SLC4A7: variants seen among roughly 807,000 people sequenced by gnomAD.
SLC4A7 encodes the protein sodium bicarbonate cotransporter 3.
In SLC4A7, 51 loss-of-function variants were observed where a neutral mutation model predicts 137.6. That is an observed-to-expected ratio of 0.37 (90% CI 0.30 to 0.47). The LOEUF (loss-of-function observed/expected upper bound fraction) is 0.47, where lower values mean the gene tolerates loss of function less well. Among genes scored for constraint, SLC4A7 ranks in the 20% least tolerant of loss-of-function variants. The pLI, the probability that SLC4A7 is intolerant of heterozygous loss-of-function variation, is 1.00. For missense variants in SLC4A7, 1,247 were observed against 1,525.4 expected (o/e 0.82, Z 3.04); for synonymous variants, 542 against 518.6 (o/e 1.05, Z -0.61).
chr3:27,435,039 G>A (rs2056624248), intron 5 of SLC4A7, among the ~76,000 whole-genome samples: 2 of 152,132 alleles, frequency 1.3e-5, no homozygotes, highest in Non-Finnish European at 2.9e-5. Flanking sequence ...AGTTATTCAT[G>A]TGAGACAAGA....
At chr3:27,387,826 G>C (rs1648898797) in intron 22 of SLC4A7, among the ~76,000 whole-genome samples, 1 of 152,164 alleles carries the variant, frequency 6.6e-6, no homozygotes, top group Admixed American at 6.5e-5. Flanking sequence ...CAGAAGAGAG[G>C]AAGAGACAAG....
intron 3 of SLC4A7, among the ~76,000 whole-genome samples, chr3:27,443,319 C>T (rs2057363139): frequency 6.6e-6 from 1 of 152,110 alleles, no homozygotes; most frequent in Non-Finnish European, 1.5e-5. Context: ...CATGAGCCAC[C>T]AGGCTTGGCC....
At chr3:27,480,033 G>T (rs2059644492) in intron 1 of SLC4A7, among the ~76,000 whole-genome samples, 6 of 152,096 alleles carry the variant, frequency 3.9e-5, no homozygotes, top group Non-Finnish European at 8.8e-5. Context: ...AGAATATATT[G>T]GTTAGCACAC....
intron 2 of SLC4A7, among the ~76,000 whole-genome samples, chr3:27,449,159 C>A (rs1366908544): frequency 2.0e-5 from 3 of 151,856 alleles, no homozygotes; most frequent in Non-Finnish European, 4.4e-5. Context: ...CTCAGCCTCC[C>A]AAAGTGCTGG....
chr3:27,381,127 G>A (rs2050376620), intron 24 of SLC4A7, among the ~76,000 whole-genome samples: 1 of 152,118 alleles, frequency 6.6e-6, no homozygotes, highest in Admixed American at 6.6e-5. Context: ...GCCATTTCCT[G>A]GCATTCCTGA....
Position 27,394,518 on chromosome 3 carries a change from C to T in SLC4A7, c.3117G>A (p.Lys1039=). The T allele has an allele frequency of 6.2e-7, 1 of 1,612,268 alleles. No individual in the cohort carries two copies. The highest frequency in any genetic ancestry group is 8.5e-7 in the Non-Finnish European group (1 of 1,179,076). Residue 1039 remains lysine, a splice_region_variant and synonymous_variant, in exon 20 of 26, where the codon AAG becomes AAA. Coordinates refer to ENST00000454389, the MANE Select transcript of SLC4A7 (RefSeq NM_001321103.2). ...GLSVFMTSVL[K]FIPMPVLYGV... ...AAACACGGCAATAAAGAAATTTTAC[C>T]TTTAGGACTGAAGTCATGAACACAG...
intron 1 of SLC4A7, among the ~76,000 whole-genome samples, chr3:27,461,574 C>G (rs2058696674): frequency 7.3e-6 from 1 of 137,268 alleles, no homozygotes; most frequent in African/African-American, 2.8e-5. Flanking sequence ...GATTTTGAGA[C>G]TAGCCTAGGC....
intron 20 of SLC4A7, among the ~76,000 whole-genome samples, chr3:27,393,449 G>A (rs9871569): frequency 0.92 from 140,726 of 152,244 alleles, 65,165 homozygotes; most frequent in East Asian, 1. Context: ...TAAGTTCACC[G>A]CTAATGGTAC....
At chr3:27,429,232 C>T (rs905412129) in intron 7 of SLC4A7, among the ~76,000 whole-genome samples, 1 of 151,896 alleles carries the variant, frequency 6.6e-6, no homozygotes, top group African/African-American at 2.4e-5. Context: ...CACCACTGCA[C>T]TCCAGCCTGG....
At chr3:27,450,640 G>A (rs573906230) in intron 2 of SLC4A7, among the ~76,000 whole-genome samples, 112 of 152,148 alleles carry the variant, frequency 7.4e-4, no homozygotes, top group African/African-American at 2.6e-3. Flanking sequence ...AAAAATAAAT[G>A]CTATGAGTGT....
chr3:27,421,562 A>C, intron 9 of SLC4A7, 60 bp downstream of exon 9: 1 of 1,305,700 alleles, frequency 7.7e-7, no homozygotes, highest in Non-Finnish European at 1.1e-6. Context: ...CATTCGCTGG[A>C]TTAAAAACTT....
rs1227574992 is a variant in SLC4A7 at position 27,376,001 on chromosome 3, T to TA, written c.*762dup. 1.3e-5 allele frequency: 2 copies of TA among 151,950 alleles called. No individual in the cohort carries two copies. The highest frequency in any genetic ancestry group is 2.9e-5 in the Non-Finnish European group (2 of 67,892). 9.4% of individuals were successfully genotyped at this position (151,950 alleles called of 1,614,324 possible). On this transcript the variant is annotated 3_prime_UTR_variant, in exon 26 of 26. Transcript: ENST00000454389. The stretch of plus-strand genomic sequence containing the variant: ...AAAGAGCATAAGGATTCAGAAAAAA[T>TA]ATTCTACAAAGGCATCAAAATCAAC...
At chr3:27,448,076 G>A (rs1282570632) in intron 3 of SLC4A7, among the ~76,000 whole-genome samples, 1 of 151,952 alleles carries the variant, frequency 6.6e-6, no homozygotes, top group Non-Finnish European at 1.5e-5. Context: ...CCCTGGCATG[G>A]TGGCGTGCGC....
intron 12 of SLC4A7, among the ~76,000 whole-genome samples, chr3:27,411,326 A>G (rs1262651921): frequency 2.0e-5 from 3 of 152,120 alleles, no homozygotes; most frequent in Non-Finnish European, 4.4e-5. Context: ...ATGAAGAATT[A>G]TAATAAGACT....
At chr3:27,465,162 G>A in intron 1 of SLC4A7, among the ~76,000 whole-genome samples, 1 of 151,680 alleles carries the variant, frequency 6.6e-6, no homozygotes. Flanking sequence ...ATCCAGGCGT[G>A]CCTGTAATCC....
At chr3:27,448,831 T>C (rs758732619) in intron 2 of SLC4A7, 34 bp from the exon 3 acceptor site, 3 of 1,512,836 alleles carry the variant, frequency 2.0e-6, no homozygotes, top group Non-Finnish European at 1.8e-6. Flanking sequence ...TTACTAGCTT[T>C]CCAAAAGAGA....
chr3:27,430,648 G>C (rs1454940774), intron 7 of SLC4A7, among the ~76,000 whole-genome samples: 2 of 150,838 alleles, frequency 1.3e-5, no homozygotes, highest in South Asian at 2.1e-4. Context: ...GGCCAGCATG[G>C]TGAAAACATG....
At chr3:27,428,089 G>C (rs1461193425) in intron 7 of SLC4A7, among the ~76,000 whole-genome samples, 2 of 152,076 alleles carry the variant, frequency 1.3e-5, no homozygotes, top group Non-Finnish European at 2.9e-5. Flanking sequence ...TTTTGTTCAA[G>C]GAAAAATAGT....
At chr3:27,403,947 C>T (rs537481118) in intron 14 of SLC4A7, among the ~76,000 whole-genome samples, 4 of 152,268 alleles carry the variant, frequency 2.6e-5, no homozygotes, top group Admixed American at 2.0e-4. Context: ...ATGTGGCATG[C>T]CAGATTGGAA....
Sources: allele counts gnomAD v4.1 joint callset (sites outside exome capture counted in the v4.1 genomes callset), GRCh38; gene constraint gnomAD v4.1.1; transcripts MANE v1.5; gene names NCBI Gene and HGNC (gene_info 2026-07-23, HGNC 2026-07-21).